The following TMEM117 variants were observed in gnomAD, a reference collection of about 807,000 sequenced individuals.
TMEM117 encodes transmembrane protein 117.
In TMEM117, 27 loss-of-function variants were observed where a neutral mutation model predicts 52.4. That is an observed-to-expected ratio of 0.51 (90% CI 0.38 to 0.71). The LOEUF (loss-of-function observed/expected upper bound fraction) is 0.71, where lower values mean the gene tolerates loss of function less well. Among genes scored for constraint, TMEM117 ranks in the 30% least tolerant of loss-of-function variants. The probability of loss-of-function intolerance (pLI) is 0.00; values close to 1 mark genes in which losing one functional copy is unlikely to be tolerated. For synonymous variants in TMEM117, 215 were observed against 206.3 expected (o/e 1.04, Z -0.36); for missense variants, 556 against 630.5 (o/e 0.88, Z 1.26).
At chr12:44,272,629 A>G (rs1252733239) in intron 5 of TMEM117, among the ~76,000 whole-genome samples, 1 of 152,250 alleles carries the variant, frequency 6.6e-6, no homozygotes, top group African/African-American at 2.4e-5. Flanking sequence ...AATGCTCATC[A>G]TCACTGGCCA....
At chr12:43,932,141 T>C (rs1944880922) in intron 2 of TMEM117, among the ~76,000 whole-genome samples, 1 of 152,156 alleles carries the variant, frequency 6.6e-6, no homozygotes, top group South Asian at 2.1e-4. Context: ...ATTTGCCATA[T>C]GAGTTACTAT....
chr12:44,091,352 C>G (rs900389424), intron 3 of TMEM117, among the ~76,000 whole-genome samples: 5 of 152,164 alleles, frequency 3.3e-5, no homozygotes, highest in African/African-American at 1.2e-4. Context: ...ACCATATCAA[C>G]TTTCTTGTTG....
intron 3 of TMEM117, among the ~76,000 whole-genome samples, chr12:44,061,552 A>C (rs1390982361): frequency 1.3e-5 from 2 of 151,422 alleles, no homozygotes; most frequent in Non-Finnish European, 2.9e-5. Context: ...TCTGAGTGAA[A>C]CTCTATGCTT....
chr12:44,150,125 G>A (rs1948700038), intron 4 of TMEM117, among the ~76,000 whole-genome samples: 1 of 152,046 alleles, frequency 6.6e-6, no homozygotes, highest in Admixed American at 6.6e-5. Context: ...TGGTACATTC[G>A]TATGTTCCAT....
Position 44,132,210 on chromosome 12 carries a change from A to G in TMEM117, c.411-11315A>G, listed in dbSNP as rs1171513698. Among the ~76,000 whole-genome samples the G allele has an allele frequency of 3.4e-5, 5 of 149,092 alleles. No homozygotes were observed. The East Asian group carries it at 9.7e-4, about 29-fold the overall frequency. On this transcript the variant is annotated intron_variant, in intron 3 of 7. Transcript: ENST00000266534. ...AGGTTTTTTTTTTTTTTTTTAGATG[A>G]AACTTCTGTCTTTAACCTAGACAAA... is the stretch of plus-strand genomic sequence containing the variant.
chr12:44,165,061 C>T (rs1948947404), intron 4 of TMEM117, among the ~76,000 whole-genome samples: 1 of 152,008 alleles, frequency 6.6e-6, no homozygotes, highest in Admixed American at 6.6e-5. Flanking sequence ...CTCTCTCTGT[C>T]ACTACCCCCC....
At chr12:44,182,637 A>G (rs1028861128) in intron 4 of TMEM117, among the ~76,000 whole-genome samples, 1 of 152,184 alleles carries the variant, frequency 6.6e-6, no homozygotes, top group African/African-American at 2.4e-5. Flanking sequence ...GTCTCTCTAC[A>G]TACTTAAAGG....
At chr12:44,203,576 G>A (rs562062951) in intron 4 of TMEM117, among the ~76,000 whole-genome samples, 1 of 152,282 alleles carries the variant, frequency 6.6e-6, no homozygotes, top group South Asian at 2.1e-4. Context: ...TTAACTTGAT[G>A]TAGGTGATTA....
chr12:44,020,511 A>T (rs557580607), intron 3 of TMEM117, among the ~76,000 whole-genome samples: 3 of 152,148 alleles, frequency 2.0e-5, no homozygotes, highest in Non-Finnish European at 4.4e-5. Context: ...ATTTATTCTG[A>T]TCTACGAATT....
At chr12:44,294,535 G>A (rs1234599049) in intron 5 of TMEM117, among the ~76,000 whole-genome samples, 2 of 152,074 alleles carry the variant, frequency 1.3e-5, no homozygotes, top group Non-Finnish European at 2.9e-5. Context: ...TCTTACCATG[G>A]ATCTTGGGAA....
chr12:44,243,988 G>A (rs74905644), intron 5 of TMEM117, among the ~76,000 whole-genome samples: 2,643 of 152,018 alleles, frequency 0.017, 61 homozygotes, highest in East Asian at 0.057. Flanking sequence ...ATAGTATTCT[G>A]CTGTATGTAT....
intron 4 of TMEM117, among the ~76,000 whole-genome samples, chr12:44,149,633 GT>G (rs1250872081): frequency 6.6e-6 from 1 of 152,052 alleles, no homozygotes; most frequent in Non-Finnish European, 1.5e-5. Flanking sequence ...AAATTTTCTA[GT>G]TTATACATGT....
At chr12:44,311,801 A>G (rs1332307854) in intron 6 of TMEM117, among the ~76,000 whole-genome samples, 1 of 19,382 alleles carries the variant, frequency 5.2e-5, no homozygotes, top group African/African-American at 9.7e-5. Context: ...ATATATGTAT[A>G]TATGTATATA....
At chr12:43,877,648 A>G (rs1943822680) in intron 2 of TMEM117, among the ~76,000 whole-genome samples, 1 of 152,012 alleles carries the variant, frequency 6.6e-6, no homozygotes, top group Non-Finnish European at 1.5e-5. Context: ...AAAAAAAAAA[A>G]AAGTGTTTTT....
chr12:44,013,793 G>T (rs985566423), intron 3 of TMEM117, among the ~76,000 whole-genome samples: 2 of 152,150 alleles, frequency 1.3e-5, no homozygotes, highest in African/African-American at 4.8e-5. Flanking sequence ...TTGGTAAGTT[G>T]TGATTCTCTG....
intron 3 of TMEM117, among the ~76,000 whole-genome samples, chr12:44,132,994 CAA>C (rs1948438336): frequency 6.6e-6 from 1 of 152,150 alleles, no homozygotes; most frequent in South Asian, 2.1e-4. Flanking sequence ...AGTACAAGAA[CAA>C]GTAAAAGTGA....
At chr12:44,211,523 CATTAT>C in intron 5 of TMEM117, 136 bp downstream of exon 5, 1 of 574,554 alleles carries the variant, frequency 1.7e-6, no homozygotes, top group African/African-American at 1.9e-5. Context: ...CCATTAAAAC[CATTAT>C]CCTAATTATT....
chr12:43,810,545 T>G, the TMEM117 span, among the ~76,000 whole-genome samples: 2 of 152,194 alleles, frequency 1.3e-5, no homozygotes, highest in Non-Finnish European at 2.9e-5. Flanking sequence ...GGTGGGAAGA[T>G]GGTGCAAGGG....
chr12:43,871,256 C>A (rs1030248991), intron 2 of TMEM117, among the ~76,000 whole-genome samples: 3 of 152,036 alleles, frequency 2.0e-5, no homozygotes, highest in African/African-American at 7.3e-5. Context: ...GCGTGCACCA[C>A]CACGCCCAGC....
Sources: gnomAD v4.1 joint callset for allele counts (sites outside exome capture counted in the v4.1 genomes callset) on GRCh38, gnomAD v4.1.1 for gene constraint, MANE v1.5 for transcripts, NCBI Gene and HGNC (gene_info 2026-07-23, HGNC 2026-07-21) for gene names.